Variants in SYT1 observed in about 807,000 individuals in gnomAD.
SYT1 encodes synaptotagmin 1.
In SYT1, 8 loss-of-function variants were observed where a neutral mutation model predicts 44.8. That is an observed-to-expected ratio of 0.18 (90% CI 0.10 to 0.32). The LOEUF is 0.32. SYT1 is among the 10% of genes least tolerant of loss of function. The pLI is 1.00. For missense variants in SYT1, 286 were observed against 509.3 expected, an observed-to-expected ratio of 0.56 and a Z score of 4.22; for synonymous variants, 154 against 188.8, an observed-to-expected ratio of 0.82 and a Z score of 1.51.
intron 4 of SYT1, among the ~76,000 whole-genome samples, chr12:79,240,414 C>T (rs1330893781): frequency 6.6e-6 from 1 of 152,160 alleles, no homozygotes; most frequent in Non-Finnish European, 1.5e-5. Context: ...GGGTTAGCAG[C>T]AGCATGGTTA....
intron 3 of SYT1, among the ~76,000 whole-genome samples, chr12:79,081,069 G>A (rs954398151): frequency 6.6e-6 from 1 of 152,160 alleles, no homozygotes; most frequent in Non-Finnish European, 1.5e-5. Flanking sequence ...GTGGGAATGG[G>A]TCTGTAAAGG....
At chr12:79,317,842 G>A (rs145055125) in intron 8 of SYT1, among the ~76,000 whole-genome samples, 285 of 152,274 alleles carry the variant, frequency 1.9e-3, no homozygotes, top group African/African-American at 6.5e-3. Context: ...GGTATTCATG[G>A]ACCTTAAGGC....
chr12:79,302,805 C>G (rs1001465311), intron 8 of SYT1, among the ~76,000 whole-genome samples: 1 of 152,132 alleles, frequency 6.6e-6, no homozygotes, highest in African/African-American at 2.4e-5. Context: ...TCCCCACCTT[C>G]TAATAGATGA....
At chr12:78,994,374 C>CCT (rs1214829949) in intron 2 of SYT1, among the ~76,000 whole-genome samples, 1 of 152,008 alleles carries the variant, frequency 6.6e-6, no homozygotes, top group Non-Finnish European at 1.5e-5. Flanking sequence ...GTAGTTTGTC[C>CCT]CTTTGTAAGA....
intron 9 of SYT1, among the ~76,000 whole-genome samples, chr12:79,421,413 C>T (rs1869108021): frequency 6.6e-6 from 1 of 152,004 alleles, no homozygotes; most frequent in East Asian, 1.9e-4. Context: ...AACTGTTTGA[C>T]CATAGTTTCC....
chr12:79,300,334 C>T (rs552814137), intron 8 of SYT1, among the ~76,000 whole-genome samples: 1 of 152,248 alleles, frequency 6.6e-6, no homozygotes, highest in East Asian at 1.9e-4. Flanking sequence ...AAAACAACTC[C>T]TTTCGCAGTC....
chr12:79,010,038 T>C (rs1267186215), intron 2 of SYT1, among the ~76,000 whole-genome samples: 2 of 152,180 alleles, frequency 1.3e-5, no homozygotes, highest in Non-Finnish European at 2.9e-5. Flanking sequence ...AGTCTGAGGT[T>C]TGTACTGGAG....
chr12:79,063,281 G>C (rs1169539827), intron 3 of SYT1, among the ~76,000 whole-genome samples: 2 of 152,042 alleles, frequency 1.3e-5, no homozygotes, highest in African/African-American at 2.4e-5. Flanking sequence ...ATTTTATCAG[G>C]GGAGAAGGCA....
rs111256207 is a variant in SYT1 at position 79,285,655 on chromosome 12, A to G, written c.167-132A>G. 1.0e-3 allele frequency: 629 copies of G among 627,606 alleles called. 3 individuals are homozygous for G. Among genetic ancestry groups the G allele is most frequent in the Middle Eastern group, 5.9e-3 (21 of 3,562 alleles). The allele number at this position is 627,606 out of a possible 1,614,324, so 38.9% of individuals were successfully genotyped here. A position where few individuals can be genotyped will look rare whatever the true frequency, so the allele number is the denominator to read the frequency against. ...AACAACATGGATAAAGTACTGAGGA[A>G]TGGTGTACCTGCAGCATAACAGGTG... On this transcript the variant is annotated intron_variant, in intron 4 of 10. Coordinates refer to ENST00000261205, the MANE Select transcript of SYT1 (RefSeq NM_005639.3).
chr12:79,074,769 T>C (rs571119601), intron 3 of SYT1, among the ~76,000 whole-genome samples: 3 of 152,258 alleles, frequency 2.0e-5, no homozygotes, highest in Non-Finnish European at 4.4e-5. Context: ...CAGCTGATGC[T>C]CTTGGGCTTC....
chr12:79,221,246 C>T (rs1427062407), intron 4 of SYT1, among the ~76,000 whole-genome samples: 1 of 151,754 alleles, frequency 6.6e-6, no homozygotes, highest in Middle Eastern at 3.2e-3. Flanking sequence ...ATAGTTATTC[C>T]TGCTCTCTTT....
intron 1 of SYT1, among the ~76,000 whole-genome samples, chr12:78,953,379 G>A (rs977323242): frequency 2.0e-5 from 3 of 152,070 alleles, no homozygotes; most frequent in African/African-American, 7.2e-5. Context: ...ATTTGTTATA[G>A]CTCCTAGGGG....
At chr12:79,069,173 G>A (rs910402384) in intron 3 of SYT1, among the ~76,000 whole-genome samples, 1 of 152,118 alleles carries the variant, frequency 6.6e-6, no homozygotes, top group East Asian at 1.9e-4. Flanking sequence ...AATGGCAGGT[G>A]TTCATCTATA....
At chr12:79,286,035 T>G in intron 5 of SYT1, 64 bp downstream of exon 5, 1 of 1,511,764 alleles carries the variant, frequency 6.6e-7, no homozygotes, top group Non-Finnish European at 8.9e-7. Context: ...TGTATTATTT[T>G]ATGCCATATA....
intron 9 of SYT1, among the ~76,000 whole-genome samples, chr12:79,438,320 A>G (rs527663742): frequency 6.6e-6 from 1 of 152,200 alleles, no homozygotes; most frequent in Non-Finnish European, 1.5e-5. Flanking sequence ...GGAGGCAAGT[A>G]GGATGGAATG....
intron 9 of SYT1, among the ~76,000 whole-genome samples, chr12:79,364,099 TATA>T (rs972729432): frequency 6.6e-6 from 1 of 152,210 alleles, no homozygotes; most frequent in Non-Finnish European, 1.5e-5. Context: ...TTTGGCATCA[TATA>T]GTAGTAATCC....
chr12:79,152,298 A>C, intron 3 of SYT1, among the ~76,000 whole-genome samples: 1 of 152,110 alleles, frequency 6.6e-6, no homozygotes, highest in East Asian at 1.9e-4. Context: ...AGAGAGGGAG[A>C]TGCAGGACTC....
At chr12:79,329,695 C>T (rs1472635860) in intron 8 of SYT1, among the ~76,000 whole-genome samples, 3 of 152,148 alleles carry the variant, frequency 2.0e-5, no homozygotes, top group Non-Finnish European at 2.9e-5. Flanking sequence ...GGTCACCTAT[C>T]TAGTAAGTGG....
At chr12:79,197,567 A>C (rs923695011) in intron 3 of SYT1, among the ~76,000 whole-genome samples, 1 of 152,210 alleles carries the variant, frequency 6.6e-6, no homozygotes, top group Non-Finnish European at 1.5e-5. Flanking sequence ...ATGCTTAAGA[A>C]TTTTACTATA....
Sources: allele counts gnomAD v4.1 joint callset (sites outside exome capture counted in the v4.1 genomes callset), GRCh38; gene constraint gnomAD v4.1.1; transcripts MANE v1.5; gene names NCBI Gene and HGNC (gene_info 2026-07-23, HGNC 2026-07-21).